The following CREB1 variants were observed in gnomAD, a reference collection of about 807,000 sequenced individuals.
CREB1 encodes cyclic AMP-responsive element-binding protein 1.
Under a neutral mutation model 42.0 loss-of-function variants are expected in CREB1, and 2 were observed. That is an observed-to-expected ratio of 0.05 (90% CI 0.02 to 0.15). CREB1 has a LOEUF of 0.15. Among genes scored for constraint, CREB1 ranks in the 10% least tolerant of loss-of-function variants. The pLI is 1.00. For synonymous variants in CREB1, 123 were observed against 139.9 expected (o/e 0.88, Z 0.85); for missense variants, 199 against 388.9 (o/e 0.51, Z 4.11).
At chr2:207,587,285 C>T (rs906325324) in intron 7 of CREB1, among the ~76,000 whole-genome samples, 9 of 151,010 alleles carry the variant, frequency 6.0e-5, no homozygotes, top group Non-Finnish European at 1.2e-4. Flanking sequence ...CCCAGCTACT[C>T]GGGAGGCTGA....
intron 1 of CREB1, among the ~76,000 whole-genome samples, chr2:207,531,785 T>C (rs1574735470): frequency 6.6e-6 from 1 of 152,222 alleles, no homozygotes; most frequent in East Asian, 1.9e-4. Context: ...AGAACAAATA[T>C]TGATTGGCAG....
chr2:207,533,514 G>A (rs1472541659), intron 1 of CREB1, among the ~76,000 whole-genome samples: 1 of 152,004 alleles, frequency 6.6e-6, no homozygotes, highest in African/African-American at 2.4e-5. Context: ...ATATATTACC[G>A]AAATTTATAA....
At chr2:207,580,058 G>A (rs1032611528) in intron 7 of CREB1, among the ~76,000 whole-genome samples, 6 of 152,032 alleles carry the variant, frequency 3.9e-5, no homozygotes, top group African/African-American at 7.3e-5. Context: ...CCTTTCTGCC[G>A]AGTGCTATTT....
At chr2:207,534,467 G>A (rs1377039434) in intron 1 of CREB1, 4 of 152,034 alleles carry the variant, frequency 2.6e-5, no homozygotes, top group African/African-American at 4.8e-5. Context: ...GAATGCCTGG[G>A]ATTATAGGCG....
intron 7 of CREB1, among the ~76,000 whole-genome samples, chr2:207,585,994 A>C (rs2083754742): frequency 6.6e-6 from 1 of 152,180 alleles, no homozygotes; most frequent in South Asian, 2.1e-4. Context: ...TGAGAGAGAG[A>C]TATATATCCA....
At chr2:207,578,647 G>T (rs1312621539) in intron 7 of CREB1, among the ~76,000 whole-genome samples, 1 of 152,184 alleles carries the variant, frequency 6.6e-6, no homozygotes. Flanking sequence ...TTGTGTGTGT[G>T]TGTGCAATTT....
chr2:207,602,274 G>A lies in CREB1; in HGVS notation c.*5216G>A, dbSNP rs1575071725. The A allele has an allele frequency of 2.6e-5, 5 of 190,272 alleles. No homozygotes were observed. The East Asian group carries it at 4.1e-4, about 16-fold the overall frequency. The allele number at this position is 190,272 out of a possible 1,614,324, so 11.8% of individuals were successfully genotyped here. On this transcript the variant is annotated 3_prime_UTR_variant, in exon 8 of 8. Coordinates refer to ENST00000353267, the MANE Select transcript of CREB1 (RefSeq NM_004379.5). ...ATATAAATAAAATAGAACAAAGCCG[G>A]TGATGCAAGTTGATATTATAAACAG...
intron 5 of CREB1, among the ~76,000 whole-genome samples, chr2:207,574,031 A>G (rs1275012526): frequency 6.6e-6 from 1 of 152,228 alleles, no homozygotes; most frequent in Non-Finnish European, 1.5e-5. Flanking sequence ...GGGATTAGCT[A>G]AACTAGATCC....
chr2:207,532,247 C>CG (rs1403307921), intron 1 of CREB1, among the ~76,000 whole-genome samples: 2 of 149,734 alleles, frequency 1.3e-5, no homozygotes, highest in Non-Finnish European at 3.0e-5. Flanking sequence ...CCCAGCTACT[C>CG]GGGGGGCTGG....
intron 7 of CREB1, among the ~76,000 whole-genome samples, chr2:207,596,097 T>C (rs1162909505): frequency 6.6e-6 from 1 of 152,242 alleles, no homozygotes; most frequent in Non-Finnish European, 1.5e-5. Context: ...TTTTATAGTT[T>C]TAGGTCTTAC....
intron 7 of CREB1, among the ~76,000 whole-genome samples, chr2:207,587,058 A>G (rs2083977051): frequency 1.3e-5 from 2 of 152,208 alleles, no homozygotes; most frequent in African/African-American, 4.8e-5. Context: ...GAGAATGTAC[A>G]TTAATGCAGC....
intron 2 of CREB1, among the ~76,000 whole-genome samples, chr2:207,559,504 T>G (rs1317743686): frequency 6.6e-6 from 1 of 152,212 alleles, no homozygotes; most frequent in Admixed American, 6.5e-5. Flanking sequence ...GTTCTAACAT[T>G]ATTCCTGGAA....
At chr2:207,562,574 A>G (rs2081994539) in intron 3 of CREB1, among the ~76,000 whole-genome samples, 1 of 152,190 alleles carries the variant, frequency 6.6e-6, no homozygotes, top group Non-Finnish European at 1.5e-5. Context: ...GTGTGTATTT[A>G]TAAAAGAAAA....
At chr2:207,548,124 G>A (rs149645447) in intron 1 of CREB1, among the ~76,000 whole-genome samples, 93 of 152,002 alleles carry the variant, frequency 6.1e-4, no homozygotes, top group East Asian at 5.7e-3. Flanking sequence ...GTAGAGACGG[G>A]GTTTCACAAT....
At chr2:207,594,272 ATTCAG>A (rs2085682154) in intron 7 of CREB1, among the ~76,000 whole-genome samples, 1 of 152,158 alleles carries the variant, frequency 6.6e-6, no homozygotes, top group South Asian at 2.1e-4. Context: ...AGTTTTAAGT[ATTCAG>A]TTCAGTCATG....
chr2:207,545,040 G>C (rs1417516318), intron 1 of CREB1, among the ~76,000 whole-genome samples: 1 of 152,088 alleles, frequency 6.6e-6, no homozygotes, highest in African/African-American at 2.4e-5. Context: ...TGCATGTATT[G>C]TTATAATAGA....
At chr2:207,590,107 T>TTTA (rs1553508763) in intron 7 of CREB1, among the ~76,000 whole-genome samples, 1 of 135,676 alleles carries the variant, frequency 7.4e-6, no homozygotes, top group East Asian at 2.1e-4. Context: ...TTTTTTTTTT[T>TTTA]AATAGATACG....
At chr2:207,595,432 CTTTCT>C (rs2085954963) in intron 7 of CREB1, among the ~76,000 whole-genome samples, 1 of 150,152 alleles carries the variant, frequency 6.7e-6, no homozygotes, top group African/African-American at 2.5e-5. Context: ...TTTTTTTTCC[CTTTCT>C]TTTGAGACAG....
intron 3 of CREB1, among the ~76,000 whole-genome samples, chr2:207,566,855 ACTTAT>A (rs1489116986): frequency 6.6e-6 from 1 of 152,154 alleles, no homozygotes; most frequent in Non-Finnish European, 1.5e-5. Flanking sequence ...TTTTTTATTC[ACTTAT>A]CTTCATTACT....
Sources: allele counts gnomAD v4.1 joint callset (sites outside exome capture counted in the v4.1 genomes callset), GRCh38; gene constraint gnomAD v4.1.1; transcripts MANE v1.5; gene names NCBI Gene and HGNC (gene_info 2026-07-23, HGNC 2026-07-21).